The following NFATC3 variants were observed in gnomAD, a reference collection of about 807,000 sequenced individuals.
The protein encoded by NFATC3 is nuclear factor of activated T-cells, cytoplasmic 3.
Under a neutral mutation model 98.6 loss-of-function variants are expected in NFATC3, and 46 were observed. The observed-to-expected ratio is 0.47, with a 90% CI of 0.37 to 0.60. The LOEUF is 0.60. Ranked by LOEUF, NFATC3 falls within the 20% of genes least tolerant of loss-of-function variation. The pLI is 0.00. For missense variants in NFATC3, 1,256 were observed against 1,295.5 expected (o/e 0.97, Z 0.47); for synonymous variants, 512 against 472.2 (o/e 1.08, Z -1.09).
At chr16:68,140,062 T>A (rs2037667945) in intron 3 of NFATC3, among the ~76,000 whole-genome samples, 1 of 152,204 alleles carries the variant, frequency 6.6e-6, no homozygotes, top group South Asian at 2.1e-4. Context: ...AGTCGTGCAA[T>A]CTTGGCTCAC....
rs559437365 is a variant in NFATC3, at chr16:68,177,477, A to G, written c.1915+2963A>G. On this transcript the variant is annotated intron_variant, in intron 6 of 9. Transcript: ENST00000346183. ...ATCCCCCCACTCTTTTATTCCTGTT[A>G]TTTATTTATGCCATTTCTGGATTTT... Among the ~76,000 whole-genome samples the G allele has an allele frequency of 3.2e-4, 48 of 151,734 alleles. No homozygotes were observed. The Middle Eastern group carries it at 0.017, about 54-fold the overall frequency.
chr16:68,102,635 T>C (rs551688302), intron 1 of NFATC3, among the ~76,000 whole-genome samples: 2 of 152,126 alleles, frequency 1.3e-5, no homozygotes, highest in Non-Finnish European at 2.9e-5. Flanking sequence ...TTCAGTTCCA[T>C]TGTAATCTCA....
rs1430671242 is a variant in NFATC3 at position 68,108,881 on chromosome 16, C to T, written c.104-13106C>T. Reference sequence around the variant, plus strand: ...TCTTGATTTGGCTCTTTGCTTGTCTCTTGTTGGCGTAAAGGAATGCTTGTG... The same window carrying T: ...TCTTGATTTGGCTCTTTGCTTGTCTTTTGTTGGCGTAAAGGAATGCTTGTG... On this transcript the variant is annotated intron_variant, in intron 1 of 9. Transcript: ENST00000346183. 2.0e-5 allele frequency among the ~76,000 whole-genome samples: 3 copies of T among 152,064 alleles called. No individual in the cohort carries two copies. In the East Asian group the frequency reaches 5.8e-4, roughly 29 times the overall value.
chr16:68,211,605 T>C (rs2041399516), intron 9 of NFATC3, among the ~76,000 whole-genome samples: 1 of 150,820 alleles, frequency 6.6e-6, no homozygotes, highest in South Asian at 2.1e-4. Flanking sequence ...TCACTGCAAC[T>C]TCCGCCTCCC....
intron 9 of NFATC3, chr16:68,192,251 A>ATATATATATG (rs1427447833): frequency 9.2e-6 from 1 of 109,128 alleles, no homozygotes; most frequent in Non-Finnish European, 1.9e-5. Context: ...ATATATATAT[A>ATATATATATG]TATGTATGTG....
intron 9 of NFATC3, among the ~76,000 whole-genome samples, chr16:68,207,383 A>T (rs1417692968): frequency 6.6e-6 from 1 of 152,042 alleles, no homozygotes; most frequent in Non-Finnish European, 1.5e-5. Flanking sequence ...GAACACTGGC[A>T]TACATACTGT....
At position 68,166,920 on chromosome 16, in the gene NFATC3, A is replaced by G; in HGVS notation, c.1679A>G (p.Lys560Arg). Reference sequence around the variant, plus strand: ...AAAGGAGAAACTGATATTGGCAGAAAGAATACTAGAGTACGACTTGTGTTT... The same window carrying G: ...AAAGGAGAAACTGATATTGGCAGAAGGAATACTAGAGTACGACTTGTGTTT... ...LRKGETDIGR[K>R]NTRVRLVFRV... The change falls in exon 5 of 10, where the codon AAG becomes AGG. Residue 560 changes from lysine to arginine, a missense_variant. Physicochemically the swap from Lys to Arg is conservative, Grantham distance 26. Around this residue, in one of 3 missense-constraint regions of NFATC3, gnomAD observed 636 missense variants for 617.3 expected, o/e 1.03. Transcript: ENST00000346183. 6.2e-7 allele frequency: 1 copy of G among 1,614,204 alleles called. No homozygotes were observed. The highest frequency in any genetic ancestry group is 8.5e-7 in the Non-Finnish European group (1 of 1,180,028).
intron 1 of NFATC3, among the ~76,000 whole-genome samples, chr16:68,112,171 G>T (rs1451749400): frequency 6.6e-6 from 1 of 151,714 alleles, no homozygotes; most frequent in East Asian, 1.9e-4. Context: ...TATCTTGCTA[G>T]GTTGGGGAAG....
chr16:68,108,390 T>G (rs541722881), intron 1 of NFATC3, among the ~76,000 whole-genome samples: 3 of 152,290 alleles, frequency 2.0e-5, no homozygotes, highest in Middle Eastern at 6.8e-3. Flanking sequence ...TGGTTGTACA[T>G]GTGTGGTCTT....
At chr16:68,116,598 A>T (rs1444079367) in intron 1 of NFATC3, among the ~76,000 whole-genome samples, 1 of 152,194 alleles carries the variant, frequency 6.6e-6, no homozygotes, top group Non-Finnish European at 1.5e-5. Context: ...GACACTTGGG[A>T]AAAAGATAAA....
chr16:68,189,913 T>C (rs1190166060), intron 8 of NFATC3, among the ~76,000 whole-genome samples: 2 of 152,036 alleles, frequency 1.3e-5, no homozygotes, highest in African/African-American at 2.4e-5. Context: ...AAAATAAACA[T>C]GAGCATGGTG....
intron 8 of NFATC3, among the ~76,000 whole-genome samples, chr16:68,186,000 A>G (rs966205295): frequency 7.2e-5 from 11 of 152,198 alleles, no homozygotes; most frequent in Admixed American, 5.2e-4. Flanking sequence ...CTGGAATGGA[A>G]AGAAAACATT....
chr16:68,157,258 A>G (rs1375401239), intron 3 of NFATC3, among the ~76,000 whole-genome samples: 1 of 151,588 alleles, frequency 6.6e-6, no homozygotes, highest in Non-Finnish European at 1.5e-5. Flanking sequence ...CTCTTTCCCG[A>G]AGATTGTTGA....
At chr16:68,104,669 T>TTTTTTTTTTTTTTTTTTTTTTA (rs1168052483) in intron 1 of NFATC3, among the ~76,000 whole-genome samples, 1 of 150,624 alleles carries the variant, frequency 6.6e-6, no homozygotes, top group African/African-American at 2.5e-5. Flanking sequence ...TTTTTTTTTT[T>TTTTTTTTTTTTTTTTTTTTTTA]GAAATGGAGT....
intron 3 of NFATC3, among the ~76,000 whole-genome samples, chr16:68,144,400 T>C (rs1477488061): frequency 1.3e-5 from 2 of 152,128 alleles, no homozygotes; most frequent in East Asian, 1.9e-4. Context: ...GCTTCCCTTA[T>C]GCCCCACCAA....
chr16:68,213,310 G>C (rs1400526328), intron 9 of NFATC3, among the ~76,000 whole-genome samples: 1 of 151,500 alleles, frequency 6.6e-6, no homozygotes, highest in African/African-American at 2.4e-5. Flanking sequence ...AGGTACTCAG[G>C]AGGCTGAGGC....
At chr16:68,119,232 C>G (rs542533158) in intron 1 of NFATC3, among the ~76,000 whole-genome samples, 2 of 152,268 alleles carry the variant, frequency 1.3e-5, no homozygotes, top group East Asian at 3.9e-4. Context: ...TGTTCTTTCA[C>G]ATCCAGTCAA....
At chr16:68,141,022 C>G (rs534398059) in intron 3 of NFATC3, among the ~76,000 whole-genome samples, 3 of 152,254 alleles carry the variant, frequency 2.0e-5, no homozygotes, top group Non-Finnish European at 4.4e-5. Flanking sequence ...AGCTTTGCTC[C>G]CACTTATAAG....
chr16:68,151,107 C>T (rs1414417444), intron 3 of NFATC3, among the ~76,000 whole-genome samples: 1 of 152,006 alleles, frequency 6.6e-6, no homozygotes, highest in African/African-American at 2.4e-5. Context: ...GTAATCACAG[C>T]TACTTGGGTG....
Sources: gnomAD v4.1 joint callset for allele counts (sites outside exome capture counted in the v4.1 genomes callset) on GRCh38, gnomAD v4.1.1 for gene constraint, gnomAD v4.1.1 regional missense constraint, MANE v1.5 for transcripts, NCBI Gene and HGNC (gene_info 2026-07-23, HGNC 2026-07-21) for gene names.